The following RAB3C variants were observed in gnomAD, a reference collection of about 807,000 sequenced individuals.
RAB3C encodes the protein ras-related protein Rab-3C.
In RAB3C, 17 loss-of-function variants were observed where a neutral mutation model predicts 26.4. That is an observed-to-expected ratio of 0.64 (90% confidence interval 0.44 to 0.97). RAB3C has a LOEUF of 0.97. Among genes scored for constraint, RAB3C ranks in the 50% least tolerant of loss-of-function variants. RAB3C has a pLI of 0.00. For missense variants in RAB3C, 242 were observed against 281.9 expected (o/e 0.86, Z 1.01); for synonymous variants, 91 against 95.9 (o/e 0.95, Z 0.30).
chr5:58,638,253 T>C (rs560852927), intron 2 of RAB3C, among the ~76,000 whole-genome samples: 2 of 152,246 alleles, frequency 1.3e-5, no homozygotes, highest in African/African-American at 4.8e-5. Flanking sequence ...TTCCCTTTCA[T>C]CTTTTGAGGT....
chr5:58,841,472 G>C (rs1743873938), intron 4 of RAB3C, among the ~76,000 whole-genome samples: 1 of 152,160 alleles, frequency 6.6e-6, no homozygotes, highest in Admixed American at 6.5e-5. Context: ...CTGGCCCCCA[G>C]AGAAGGGTGG....
intron 4 of RAB3C, among the ~76,000 whole-genome samples, chr5:58,845,612 A>ATATATATATATATATATATATATATATG: frequency 2.4e-5 from 2 of 81,744 alleles, no homozygotes; most frequent in African/African-American, 1.2e-4. Flanking sequence ...ATATATATAT[A>ATATATATATATATATATATATATATATG]TGTGTGTGTG....
intron 2 of RAB3C, among the ~76,000 whole-genome samples, chr5:58,642,317 A>G (rs868597870): frequency 6.6e-6 from 1 of 152,244 alleles, no homozygotes; most frequent in African/African-American, 2.4e-5. Context: ...TGTACACGGT[A>G]GCACCAAAGC....
At chr5:58,724,215 GTGC>G (rs1000835818) in intron 2 of RAB3C, among the ~76,000 whole-genome samples, 1 of 151,516 alleles carries the variant, frequency 6.6e-6, no homozygotes, top group Non-Finnish European at 1.5e-5. Flanking sequence ...CAATTTTTGT[GTGC>G]TGCTCTCTGT....
intron 3 of RAB3C, chr5:58,794,355 AC>A (rs1742597307): frequency 6.6e-6 from 1 of 152,008 alleles, no homozygotes; most frequent in Non-Finnish European, 1.5e-5. Flanking sequence ...ATGACACAAA[AC>A]AAAACACAGA....
At chr5:58,675,364 T>C (rs1214644396) in intron 2 of RAB3C, among the ~76,000 whole-genome samples, 1 of 152,182 alleles carries the variant, frequency 6.6e-6, no homozygotes, top group African/African-American at 2.4e-5. Flanking sequence ...TTAACTCCTA[T>C]GTCTGCAAGG....
At chr5:58,645,443 A>G (rs1385534310) in intron 2 of RAB3C, among the ~76,000 whole-genome samples, 1 of 152,236 alleles carries the variant, frequency 6.6e-6, no homozygotes, top group Non-Finnish European at 1.5e-5. Flanking sequence ...TGTAGCACCA[A>G]TTACTCTTTG....
At chr5:58,593,061 A>G (rs1746172730) in intron 1 of RAB3C, among the ~76,000 whole-genome samples, 1 of 152,208 alleles carries the variant, frequency 6.6e-6, no homozygotes, top group Admixed American at 6.5e-5. Context: ...TAGAATTCTA[A>G]TATCATCCCA....
intron 2 of RAB3C, among the ~76,000 whole-genome samples, chr5:58,672,257 G>A (rs1748134281): frequency 6.6e-6 from 1 of 152,094 alleles, no homozygotes; most frequent in Non-Finnish European, 1.5e-5. Context: ...ACTAAGCAAG[G>A]GGCACAGGTG....
In RAB3C at chr5:58,851,273, T is replaced by A; in HGVS notation, c.606T>A (p.Asp202Glu). 1 of 1,613,918 alleles carries A rather than the reference T, an allele frequency of 6.2e-7. No homozygotes were observed. Among genetic ancestry groups the A allele is most frequent in the Non-Finnish European group, 8.5e-7 (1 of 1,179,928 alleles). The change falls in exon 5 of 5, where the codon GAT becomes GAA. Residue 202 changes from aspartate (D) to glutamate (E), a missense_variant. Coordinates refer to ENST00000282878, the MANE Select transcript of RAB3C (RefSeq NM_138453.4). Reference protein sequence around the residue: ...CDKMSESLETDPAITAAKQNT... With the variant: ...CDKMSESLETEPAITAAKQNT... Reference sequence around the variant, plus strand: ...AAATGTCAGAGAGTTTGGAGACTGATCCTGCCATCACTGCTGCAAAGCAGA... The same window carrying A: ...AAATGTCAGAGAGTTTGGAGACTGAACCTGCCATCACTGCTGCAAAGCAGA...
At chr5:58,688,519 A>C (rs1448859053) in intron 2 of RAB3C, among the ~76,000 whole-genome samples, 1 of 152,138 alleles carries the variant, frequency 6.6e-6, no homozygotes, top group Non-Finnish European at 1.5e-5. Context: ...GTTTTATGCC[A>C]CTAAATTATG....
At chr5:58,850,104 G>C (rs981789617) in intron 4 of RAB3C, among the ~76,000 whole-genome samples, 4 of 152,182 alleles carry the variant, frequency 2.6e-5, no homozygotes, top group Non-Finnish European at 4.4e-5. Flanking sequence ...GCCTAGTGGG[G>C]AGGTTGTCAT....
In RAB3C at chr5:58,761,061, T is replaced by TCACACACACACA. The variant is rs769194224; in HGVS notation, c.371+34942_371+34943insACACACACACAC. ...CTCTCTCTCTCTCCCTCTCTCTCTC[T>TCACACACACACA]CTCACACACACACACACACACACAC... is the stretch of plus-strand genomic sequence containing the variant. On this transcript the variant is annotated intron_variant, in intron 3 of 4. Transcript: ENST00000282878. 1.3e-3 allele frequency among the ~76,000 whole-genome samples: 166 copies of TCACACACACACA among 126,538 alleles called. 1 individual carries two copies. The highest frequency in any genetic ancestry group is 2.6e-3 in the African/African-American group (93 of 35,208). 83.0% of individuals were successfully genotyped at this position (126,538 alleles called of 152,430 possible).
intron 3 of RAB3C, among the ~76,000 whole-genome samples, chr5:58,813,609 T>C (rs1743140198): frequency 2.4e-5 from 1 of 41,810 alleles, no homozygotes; most frequent in Non-Finnish European, 5.6e-5. Flanking sequence ...TATATATATA[T>C]ATATATATAT....
intron 1 of RAB3C, among the ~76,000 whole-genome samples, chr5:58,593,167 CT>C (rs1289725443): frequency 3.8e-4 from 58 of 151,986 alleles, no homozygotes; most frequent in African/African-American, 1.4e-3. Flanking sequence ...ATGACTTTTT[CT>C]TGTGTCATCT....
chr5:58,727,030 C>T (rs989813180), intron 3 of RAB3C, among the ~76,000 whole-genome samples: 16 of 151,920 alleles, frequency 1.1e-4, no homozygotes, highest in Non-Finnish European at 1.6e-4. Flanking sequence ...CTAGGACTGA[C>T]TGAAGAAATA....
chr5:58,846,200 G>A (rs963792381), intron 4 of RAB3C, among the ~76,000 whole-genome samples: 1 of 152,066 alleles, frequency 6.6e-6, no homozygotes, highest in Non-Finnish European at 1.5e-5. Context: ...TAGGCACTTG[G>A]ATTAGTTCTA....
chr5:58,652,526 T>C (rs1747678068), intron 2 of RAB3C, among the ~76,000 whole-genome samples: 1 of 152,034 alleles, frequency 6.6e-6, no homozygotes, highest in South Asian at 2.1e-4. Context: ...GAAGTATTAT[T>C]ATATCTAAGC....
At chr5:58,601,871 G>A (rs1182458173) in intron 1 of RAB3C, among the ~76,000 whole-genome samples, 1 of 151,564 alleles carries the variant, frequency 6.6e-6, no homozygotes, top group Non-Finnish European at 1.5e-5. Context: ...CTCTGATCTT[G>A]GTTATTTCCT....
Sources: allele counts gnomAD v4.1 joint callset (sites outside exome capture counted in the v4.1 genomes callset), GRCh38; gene constraint gnomAD v4.1.1; transcripts MANE v1.5; gene names NCBI Gene and HGNC (gene_info 2026-07-23, HGNC 2026-07-21).